Variants in ST6GALNAC3 observed in about 807,000 individuals in gnomAD.
ST6GALNAC3 encodes ST6 N-acetylgalactosaminide alpha-2,6-sialyltransferase 3.
Under a neutral mutation model 32.7 loss-of-function variants are expected in ST6GALNAC3, and 25 were observed. The observed-to-expected ratio is 0.76, with a 90% CI of 0.56 to 1.07. The LOEUF (loss-of-function observed/expected upper bound fraction) is 1.07, where lower values mean the gene tolerates loss of function less well. Among genes scored for constraint, ST6GALNAC3 ranks in the 50% least tolerant of loss-of-function variants. The probability of loss-of-function intolerance (pLI) is 0.00; values close to 1 mark genes in which losing one functional copy is unlikely to be tolerated. For missense variants in ST6GALNAC3, 355 were observed against 382.4 expected, an observed-to-expected ratio of 0.93 and a Z score of 0.60; for synonymous variants, 129 against 133.1, an observed-to-expected ratio of 0.97 and a Z score of 0.21.
intron 3 of ST6GALNAC3, among the ~76,000 whole-genome samples, chr1:76,480,317 G>T (rs757758916): frequency 2.0e-5 from 3 of 151,920 alleles, no homozygotes; most frequent in Middle Eastern, 3.4e-3. Flanking sequence ...CTGCATTTTT[G>T]AAAAAAGGTT....
chr1:76,545,331 T>C (rs315066), intron 3 of ST6GALNAC3, among the ~76,000 whole-genome samples: 23,160 of 152,072 alleles, frequency 0.15, 1,833 homozygotes, highest in East Asian at 0.24. Context: ...GTAATATTGT[T>C]AGTCATATAT....
chr1:76,548,565 A>G (rs900724233), intron 3 of ST6GALNAC3, among the ~76,000 whole-genome samples: 7 of 152,098 alleles, frequency 4.6e-5, no homozygotes, highest in Non-Finnish European at 7.3e-5. Flanking sequence ...TTCTTACGTG[A>G]GGCGTTGTTG....
intron 3 of ST6GALNAC3, among the ~76,000 whole-genome samples, chr1:76,533,767 G>A (rs1663417353): frequency 6.6e-6 from 1 of 152,172 alleles, no homozygotes; most frequent in Non-Finnish European, 1.5e-5. Flanking sequence ...CTTGATAGCA[G>A]ATGGTTGACA....
At chr1:76,442,265 A>G (rs1053764299) in intron 3 of ST6GALNAC3, among the ~76,000 whole-genome samples, 1 of 152,154 alleles carries the variant, frequency 6.6e-6, no homozygotes, top group African/African-American at 2.4e-5. Flanking sequence ...TCAGTCCTCT[A>G]CCCAAATTGT....
intron 3 of ST6GALNAC3, among the ~76,000 whole-genome samples, chr1:76,469,520 A>G (rs1425398386): frequency 1.3e-5 from 2 of 152,126 alleles, no homozygotes; most frequent in African/African-American, 4.8e-5. Flanking sequence ...TATGTTTCAA[A>G]TCATTTCTCT....
chr1:76,398,879 A>G (rs1653190749), intron 2 of ST6GALNAC3, among the ~76,000 whole-genome samples: 1 of 152,130 alleles, frequency 6.6e-6, no homozygotes. Context: ...TTTTTTAAAC[A>G]CTTTAACTTT....
chr1:76,107,444 C>G (rs1260732798), intron 1 of ST6GALNAC3, among the ~76,000 whole-genome samples: 3 of 152,118 alleles, frequency 2.0e-5, no homozygotes, highest in Non-Finnish European at 2.9e-5. Flanking sequence ...AAGACTCAAA[C>G]CCAGATTGGT....
At chr1:76,487,324 C>A (rs1660189490) in intron 3 of ST6GALNAC3, among the ~76,000 whole-genome samples, 1 of 152,162 alleles carries the variant, frequency 6.6e-6, no homozygotes, top group Non-Finnish European at 1.5e-5. Flanking sequence ...AGAGTGTTTT[C>A]CAACTTGGTT....
chr1:76,504,823 A>G (rs1051885615), intron 3 of ST6GALNAC3, among the ~76,000 whole-genome samples: 12 of 152,166 alleles, frequency 7.9e-5, no homozygotes, highest in African/African-American at 2.7e-4. Context: ...TGTCAATACT[A>G]GGTATTCAGT....
chr1:76,157,440 T>A (rs1651526808), intron 1 of ST6GALNAC3, among the ~76,000 whole-genome samples: 2 of 152,254 alleles, frequency 1.3e-5, no homozygotes, highest in South Asian at 4.1e-4. Flanking sequence ...TGTTAACTTA[T>A]ACCCCCATGG....
intron 1 of ST6GALNAC3, among the ~76,000 whole-genome samples, chr1:76,085,454 G>C (rs1167008461): frequency 6.6e-6 from 1 of 152,158 alleles, no homozygotes; most frequent in Non-Finnish European, 1.5e-5. Flanking sequence ...ACTGAGCATA[G>C]AGCTAAATAC....
chr1:76,344,257 A>G (rs1473507471), intron 2 of ST6GALNAC3, among the ~76,000 whole-genome samples: 4 of 152,146 alleles, frequency 2.6e-5, no homozygotes, highest in African/African-American at 9.7e-5. Flanking sequence ...AACAATTTTT[A>G]CTCTGGCTCT....
chr1:76,482,714 C>T (rs75940477), intron 3 of ST6GALNAC3, among the ~76,000 whole-genome samples: 3,205 of 151,904 alleles, frequency 0.021, 77 homozygotes, highest in Admixed American at 0.067. Context: ...ATGCTACTGC[C>T]TTTTCTTTTA....
intron 3 of ST6GALNAC3, among the ~76,000 whole-genome samples, chr1:76,427,013 T>C (rs1219456443): frequency 6.6e-6 from 1 of 152,062 alleles, no homozygotes; most frequent in Non-Finnish European, 1.5e-5. Context: ...GATTTTGTAT[T>C]GGGTAAATAA....
intron 1 of ST6GALNAC3, among the ~76,000 whole-genome samples, chr1:76,247,555 C>T (rs759113749): frequency 3.3e-5 from 5 of 152,142 alleles, no homozygotes; most frequent in Non-Finnish European, 7.3e-5. Context: ...GCAGTCTGGC[C>T]ACAGCTGCTT....
intron 3 of ST6GALNAC3, among the ~76,000 whole-genome samples, chr1:76,452,777 G>C (rs1657501849): frequency 6.6e-6 from 1 of 152,002 alleles, no homozygotes. Context: ...TTGGTATTAG[G>C]GTGATACTGG....
At chr1:76,198,668 ATAG>A (rs145021715) in intron 1 of ST6GALNAC3, among the ~76,000 whole-genome samples, 12,755 of 152,184 alleles carry the variant, frequency 0.084, 585 homozygotes, top group African/African-American at 0.12. Context: ...CCTGAAGAAG[ATAG>A]TGGTGCTTTT....
In ST6GALNAC3 at chr1:76,628,876, C is replaced by G. The variant is rs1649147886; in HGVS notation, c.*70C>G. On this transcript the variant is annotated 3_prime_UTR_variant, in exon 5 of 5. Coordinates refer to ENST00000328299, the MANE Select transcript of ST6GALNAC3 (RefSeq NM_152996.4). ...TACTGCAACTGTGATGCTGATGATG[C>G]TAATGGAGATGATGGTAATGATAAA... 17 of 1,578,124 alleles carry G rather than the reference C, an allele frequency of 1.1e-5. No homozygotes were observed. The highest frequency in any genetic ancestry group is 1.4e-5 in the Non-Finnish European group (16 of 1,168,482).
At chr1:76,120,818 A>G (rs1570055736) in intron 1 of ST6GALNAC3, among the ~76,000 whole-genome samples, 1 of 152,192 alleles carries the variant, frequency 6.6e-6, no homozygotes, top group African/African-American at 2.4e-5. Context: ...GCAACAAATT[A>G]CCACCGACAT....
Sources: allele counts gnomAD v4.1 joint callset (sites outside exome capture counted in the v4.1 genomes callset), GRCh38; gene constraint gnomAD v4.1.1; transcripts MANE v1.5; gene names NCBI Gene and HGNC (gene_info 2026-07-23, HGNC 2026-07-21).